IL18R1: variants seen among roughly 807,000 people sequenced by gnomAD.
IL18R1 encodes the protein interleukin-18 receptor 1.
In IL18R1, 40 loss-of-function variants were observed where a neutral mutation model predicts 48.5. That is an observed-to-expected ratio of 0.82 (90% CI 0.64 to 1.07). IL18R1 has a LOEUF of 1.07. Among genes scored for constraint, IL18R1 ranks in the 50% least tolerant of loss-of-function variants. The pLI is 0.00. For missense variants in IL18R1, 596 were observed against 633.7 expected (o/e 0.94, Z 0.64); for synonymous variants, 232 against 225.9 (o/e 1.03, Z -0.24).
In IL18R1 at chr2:102,356,193, T is replaced by G; in HGVS notation, c.-236T>G. On this transcript the variant is annotated 5_prime_UTR_variant, in exon 1 of 11. Coordinates refer to ENST00000233957, the MANE Select transcript of IL18R1 (RefSeq NM_003855.5). Reference sequence around the variant, plus strand: ...ACATTCTTCTTTCTGTTCCTACTTTTTTTCCTTCTTCTTCTTTTTTTTTTT... The same window carrying G: ...ACATTCTTCTTTCTGTTCCTACTTTGTTTCCTTCTTCTTCTTTTTTTTTTT... 8.1e-6 allele frequency: 2 copies of G among 247,390 alleles called. No homozygotes were observed. The highest frequency in any genetic ancestry group is 1.4e-4 in the South Asian group (1 of 6,984). The allele number at this position is 247,390 out of a possible 1,614,324, so 15.3% of individuals were successfully genotyped here.
intron 1 of IL18R1, among the ~76,000 whole-genome samples, chr2:102,358,615 C>T (rs1351902787): frequency 1.3e-5 from 2 of 152,100 alleles, no homozygotes; most frequent in Admixed American, 6.5e-5. Flanking sequence ...TGCCCTACGT[C>T]GGCGGCTCTC....
At chr2:102,373,987 C>T (rs773567041) in intron 4 of IL18R1, 5 of 444,446 alleles carry the variant, frequency 1.1e-5, no homozygotes, top group Non-Finnish European at 2.3e-5. Flanking sequence ...ACTGATTCTA[C>T]ATTATGGTGA....
Position 102,386,938 on chromosome 2 carries a change from A to G in IL18R1, c.887A>G (p.Tyr296Cys). The part of the protein sequence containing the change: ...NIGESNLNVL[Y>C]NCTVASTGGT... ...GGTGAAAGCAATCTAAATGTTTTAT[A>G]TAATTGCACTGTGGCCAGCACGGGA... Residue 296 changes from tyrosine (Y) to cysteine (C), a missense_variant, in exon 8 of 11, where the codon TAT (tyrosine) becomes TGT (cysteine). By Grantham distance (194) the Tyr-to-Cys change is radical. Around this residue, in one of 3 missense-constraint regions of IL18R1, gnomAD observed 57 missense variants for 88.2 expected, o/e 0.65. Coordinates refer to ENST00000233957, the MANE Select transcript of IL18R1 (RefSeq NM_003855.5). 6.2e-7 allele frequency: 1 copy of G among 1,613,986 alleles called. No homozygotes were observed. Among genetic ancestry groups the G allele is most frequent in the Non-Finnish European group, 8.5e-7 (1 of 1,179,818 alleles).
At chr2:102,387,235 T>C (rs1680285181) in intron 8 of IL18R1, among the ~76,000 whole-genome samples, 1 of 152,130 alleles carries the variant, frequency 6.6e-6, no homozygotes, top group Admixed American at 6.5e-5. Context: ...CATGTGGAAA[T>C]CGGGGGGCCT....
At chr2:102,380,164 C>CA (rs79196257) in intron 5 of IL18R1, among the ~76,000 whole-genome samples, 8,115 of 152,218 alleles carry the variant, frequency 0.053, 309 homozygotes, top group East Asian at 0.17. Flanking sequence ...GTAGGCTGGC[C>CA]ATGTCAAGGG....
At chr2:102,370,923 G>T (rs868053830) in intron 3 of IL18R1, among the ~76,000 whole-genome samples, 12 of 152,314 alleles carry the variant, frequency 7.9e-5, no homozygotes, top group African/African-American at 2.9e-4. Flanking sequence ...CGCATCTGCT[G>T]TATTTAGCAA....
In IL18R1 at chr2:102,386,964, G is replaced by C; in HGVS notation, c.913G>C (p.Gly305Arg). The change falls in exon 8 of 11, where the codon GGC (glycine) becomes CGC (arginine). Residue 305 changes from glycine (G) to arginine (R), a missense_variant. Physicochemically the swap from Gly to Arg is moderately radical, Grantham distance 125. Coordinates refer to ENST00000233957, the MANE Select transcript of IL18R1 (RefSeq NM_003855.5). Reference protein sequence around the residue: ...LYNCTVASTGGTDTKSFILVR... With the variant: ...LYNCTVASTGRTDTKSFILVR... ...TAATTGCACTGTGGCCAGCACGGGA[G>C]GCACAGACACCAAAAGCTTCATCTT... The C allele has an allele frequency of 6.2e-7, 1 of 1,613,824 alleles. No individual in the cohort carries two copies.
At chr2:102,369,288 C>G (rs1020990597) in intron 3 of IL18R1, among the ~76,000 whole-genome samples, 1 of 152,188 alleles carries the variant, frequency 6.6e-6, no homozygotes, top group Non-Finnish European at 1.5e-5. Flanking sequence ...AGAGGAACAG[C>G]CAGGCATCTA....
intron 2 of IL18R1, among the ~76,000 whole-genome samples, chr2:102,365,924 C>T (rs1678867842): frequency 6.6e-6 from 1 of 152,212 alleles, no homozygotes; most frequent in Non-Finnish European, 1.5e-5. Context: ...AATCCCTAGG[C>T]TGCACACAGA....
intron 4 of IL18R1, among the ~76,000 whole-genome samples, chr2:102,372,796 A>G (rs1679345885): frequency 1.3e-5 from 2 of 152,190 alleles, no homozygotes; most frequent in Non-Finnish European, 2.9e-5. Context: ...TTGTTATTGG[A>G]CATTTGTGAA....
chr2:102,373,786 C>T (rs1488882236), intron 4 of IL18R1: 1 of 207,370 alleles, frequency 4.8e-6, no homozygotes, highest in East Asian at 1.2e-4. Context: ...CCCTCACTAA[C>T]ATTACCACCT....
At chr2:102,375,365 T>G (rs1456417886) in intron 4 of IL18R1, among the ~76,000 whole-genome samples, 1 of 152,218 alleles carries the variant, frequency 6.6e-6, no homozygotes, top group African/African-American at 2.4e-5. Context: ...TGGATTTGAA[T>G]ATTGCTGATG....
At chr2:102,383,770 T>C (rs1409229955) in intron 6 of IL18R1, among the ~76,000 whole-genome samples, 1 of 152,224 alleles carries the variant, frequency 6.6e-6, no homozygotes, top group East Asian at 1.9e-4. Context: ...CTGTTACAGT[T>C]GCTATATCAT....
intron 3 of IL18R1, among the ~76,000 whole-genome samples, chr2:102,368,644 G>A (rs1472732700): frequency 2.6e-5 from 4 of 152,160 alleles, no homozygotes; most frequent in Non-Finnish European, 5.9e-5. Flanking sequence ...TACTCATGAG[G>A]TGGCCCTAGA....
At chr2:102,373,058 C>T (rs1679363286) in intron 4 of IL18R1, among the ~76,000 whole-genome samples, 1 of 152,098 alleles carries the variant, frequency 6.6e-6, no homozygotes, top group Non-Finnish European at 1.5e-5. Flanking sequence ...AAATAATGGT[C>T]CCAGAATGTT....
At chr2:102,385,865 T>C (rs1680194704) in intron 7 of IL18R1, among the ~76,000 whole-genome samples, 1 of 152,220 alleles carries the variant, frequency 6.6e-6, no homozygotes, top group Admixed American at 6.5e-5. Flanking sequence ...GGATAATCTC[T>C]TTCTAATTTT....
chr2:102,363,703 C>T (rs1480972934), intron 2 of IL18R1, among the ~76,000 whole-genome samples: 2 of 152,174 alleles, frequency 1.3e-5, no homozygotes, highest in East Asian at 3.9e-4. Context: ...GCCAAGCTCC[C>T]AGCTGCCTGC....
At position 102,396,669 on chromosome 2, in the gene IL18R1, A is replaced by G. The variant is rs1240543765; in HGVS notation, c.1409A>G (p.Lys470Arg). 8.1e-6 allele frequency: 13 copies of G among 1,613,676 alleles called. No individual in the cohort carries two copies. The highest frequency in any genetic ancestry group is 1.0e-5 in the Non-Finnish European group (12 of 1,179,686). ...LHEALVERKI[K>R]IILIEFTPVT... is the part of the protein sequence containing the mutation. ...GAAGCATTGGTGGAAAGAAAAATTA[A>G]AATAATCTTAATTGAATTTACACCT... The change falls in exon 11 of 11, where the codon AAA becomes AGA. Residue 470 changes from lysine (K) to arginine (R), a missense_variant. Physicochemically the swap from Lys to Arg is conservative, Grantham distance 26. Transcript: ENST00000233957.
intron 2 of IL18R1, among the ~76,000 whole-genome samples, chr2:102,366,435 T>A (rs1346232320): frequency 6.6e-6 from 1 of 152,222 alleles, no homozygotes; most frequent in Non-Finnish European, 1.5e-5. Context: ...TTAACAAGTC[T>A]TTAGGAAGTT....
Sources: allele counts gnomAD v4.1 joint callset (sites outside exome capture counted in the v4.1 genomes callset), GRCh38; gene constraint gnomAD v4.1.1; regional missense constraint gnomAD v4.1.1; transcripts MANE v1.5; gene names NCBI Gene and HGNC (gene_info 2026-07-23, HGNC 2026-07-21).